Variants in IRAG2 observed in about 807,000 individuals in gnomAD.
IRAG2 encodes lymphoid restricted membrane protein.
A neutral mutation model predicts 69.9 loss-of-function variants in IRAG2; 45 were observed. That is an observed-to-expected ratio of 0.64 (90% CI 0.51 to 0.83). IRAG2 has a LOEUF of 0.83. IRAG2 is among the 40% of genes least tolerant of loss of function. The pLI is 0.00. For synonymous variants in IRAG2, 193 were observed against 202.4 expected, an observed-to-expected ratio of 0.95 and a Z score of 0.40; for missense variants, 520 against 587.0, an observed-to-expected ratio of 0.89 and a Z score of 1.18.
chr12:25,005,661 C>A (rs1044693419), intron 2 of IRAG2, among the ~76,000 whole-genome samples: 1 of 152,154 alleles, frequency 6.6e-6, no homozygotes, highest in Non-Finnish European at 1.5e-5. Flanking sequence ...TGGCGCCCCA[C>A]AGGAAATATG....
In IRAG2 at chr12:25,036,048, A is replaced by C. The variant is rs191896008; in HGVS notation, c.1878+261A>C. ...TTCCTGTGAGCTAATCTTTAGTATCAAAGGGCTGAAGACATGGTATCTATT... is the reference window on the plus strand; with the variant it reads ...TTCCTGTGAGCTAATCTTTAGTATCCAAGGGCTGAAGACATGGTATCTATT... On this transcript the variant is annotated intron_variant, in intron 14 of 38. Transcript: ENST00000636465. Among the ~76,000 whole-genome samples the C allele has an allele frequency of 4.6e-5, 7 of 152,342 alleles. No homozygotes were observed. The East Asian group carries it at 9.6e-4, about 21-fold the overall frequency.
chr12:25,050,152 A>T (rs191688910), upstream of IRAG2, among the ~76,000 whole-genome samples: 141 of 151,624 alleles, frequency 9.3e-4, no homozygotes, highest in African/African-American at 3.4e-3. Flanking sequence ...AAAAACAAAT[A>T]AAAAAAAGTG....
chr12:25,043,648 G>A (rs958910786), intron 16 of IRAG2, among the ~76,000 whole-genome samples: 2 of 152,168 alleles, frequency 1.3e-5, no homozygotes, highest in African/African-American at 2.4e-5. Context: ...CTAGATGCCT[G>A]GGGGCTGCTA....
chr12:25,045,814 C>G (rs1414428303), intron 16 of IRAG2, among the ~76,000 whole-genome samples: 1 of 144,742 alleles, frequency 6.9e-6, no homozygotes, highest in Non-Finnish European at 1.5e-5. Flanking sequence ...AAGATTAACG[C>G]TAATCCTTCT....
chr12:25,100,218 AGGAG>A (rs1948678865), intron 15 of IRAG2, among the ~76,000 whole-genome samples: 2 of 151,892 alleles, frequency 1.3e-5, no homozygotes, highest in South Asian at 4.2e-4. Flanking sequence ...AAAGGAAGGA[AGGAG>A]GGAGGGAGGA....
chr12:25,075,077 G>A (rs1170046379), intron 6 of IRAG2, among the ~76,000 whole-genome samples: 1 of 152,140 alleles, frequency 6.6e-6, no homozygotes, highest in Non-Finnish European at 1.5e-5. Flanking sequence ...GTAGATCTGA[G>A]GGTGTGGTAT....
intron 2 of IRAG2, 27 bp from the exon 3 acceptor site, chr12:25,062,793 A>G (rs1431114369): frequency 7.5e-6 from 3 of 398,954 alleles, no homozygotes; most frequent in Non-Finnish European, 8.8e-6. Flanking sequence ...CTGTCTTTGA[A>G]TACACTCTAC....
At chr12:25,086,663 C>A (rs575097347) in intron 10 of IRAG2, among the ~76,000 whole-genome samples, 1 of 151,894 alleles carries the variant, frequency 6.6e-6, no homozygotes, top group African/African-American at 2.4e-5. Context: ...GGCTGTGACG[C>A]GGGGCTGGGG....
At chr12:25,054,031 A>T (rs1338899249) in intron 1 of IRAG2, among the ~76,000 whole-genome samples, 1 of 152,172 alleles carries the variant, frequency 6.6e-6, no homozygotes, top group African/African-American at 2.4e-5. Context: ...CAGGAGTTTG[A>T]GACCAGCCTG....
exon 6 of IRAG2, chr12:25,017,288 A>G: frequency 8.1e-7 from 1 of 1,232,170 alleles, no homozygotes; most frequent in Non-Finnish European, 1.0e-6. Flanking sequence ...CCTTCAGGTA[A>G]AAAGGTGAGC....
At chr12:25,053,810 AAT>A (rs1233682798) in intron 1 of IRAG2, among the ~76,000 whole-genome samples, 2 of 150,792 alleles carry the variant, frequency 1.3e-5, no homozygotes, top group African/African-American at 4.9e-5. Flanking sequence ...TTATATATTT[AAT>A]ATATAAGCTT....
At chr12:25,049,126 C>T (rs1309915337), upstream of IRAG2, among the ~76,000 whole-genome samples, 1 of 152,230 alleles carries the variant, frequency 6.6e-6, no homozygotes, top group South Asian at 2.1e-4. Flanking sequence ...GTACCAGTAC[C>T]ATGCTATTTG....
chr12:25,028,650 CAG>C (rs1944644369), intron 9 of IRAG2, among the ~76,000 whole-genome samples: 1 of 152,114 alleles, frequency 6.6e-6, no homozygotes, highest in African/African-American at 2.4e-5. Flanking sequence ...CATCAGGAAA[CAG>C]ATGACAACGA....
chr12:25,026,663 G>T (rs1347176521), intron 8 of IRAG2: 8 of 410,106 alleles, frequency 2.0e-5, no homozygotes, highest in Non-Finnish European at 3.3e-5. Context: ...TAGTGGCTGA[G>T]GTTGAATGGA....
chr12:25,104,951 A>G (rs551803910), intron 20 of IRAG2, among the ~76,000 whole-genome samples: 2 of 152,174 alleles, frequency 1.3e-5, no homozygotes, highest in Non-Finnish European at 2.9e-5. Flanking sequence ...TGTATCTAGT[A>G]AACTAAACAA....
chr12:24,999,372 T>C (rs753413962), upstream of IRAG2, among the ~76,000 whole-genome samples: 6 of 152,210 alleles, frequency 3.9e-5, no homozygotes, highest in Non-Finnish European at 7.3e-5. Context: ...TAGTTTTGGA[T>C]CGGGCAGATG....
intron 13 of IRAG2, among the ~76,000 whole-genome samples, chr12:25,034,846 G>A (rs753845998): frequency 2.0e-5 from 3 of 152,124 alleles, no homozygotes; most frequent in African/African-American, 4.8e-5. Flanking sequence ...AGCCATCTCC[G>A]GCAGCCCTGG....
At chr12:25,005,029 C>A in intron 1 of IRAG2, 1 of 686,786 alleles carries the variant, frequency 1.5e-6, no homozygotes, top group Non-Finnish European at 2.0e-6. Flanking sequence ...TGGAATCATC[C>A]ATCTTTCCCT....
chr12:25,096,985 C>T lies in IRAG2; in HGVS notation c.682C>T (p.Leu228Phe). 1 of 1,613,834 alleles carries T rather than the reference C, an allele frequency of 6.2e-7. No homozygotes were observed. The highest frequency in any genetic ancestry group is 8.5e-7 in the Non-Finnish European group (1 of 1,179,826). The change falls in exon 15 of 22, where the codon CTT becomes TTT. Residue 228 changes from leucine (L) to phenylalanine (F), a missense_variant. Transcript: ENST00000556887. ...GAAGCTGGAGAAGAGTATAAAGTTT[C>T]TTAGCCAGTGTGCAGCACGAGTGGC... ...IKKLEKSIKFLSQCAARVASR... is the reference protein window; with the variant it reads ...IKKLEKSIKFFSQCAARVASR...
Sources: allele counts gnomAD v4.1 joint callset (sites outside exome capture counted in the v4.1 genomes callset), GRCh38; gene constraint gnomAD v4.1.1; transcripts MANE v1.5; gene names NCBI Gene and HGNC (gene_info 2026-07-23, HGNC 2026-07-21).